PDLIM7: variants seen among roughly 807,000 people sequenced by gnomAD.
The protein encoded by PDLIM7 is PDZ and LIM domain protein 7.
A neutral mutation model predicts 53.9 loss-of-function variants in PDLIM7; 37 were observed. The observed-to-expected ratio is 0.69, with a 90% confidence interval of 0.53 to 0.90. The LOEUF (loss-of-function observed/expected upper bound fraction) is 0.90. Ranked by LOEUF, PDLIM7 falls within the 40% of genes least tolerant of loss-of-function variation. The probability of loss-of-function intolerance (pLI) is 0.00; values close to 1 mark genes in which losing one functional copy is unlikely to be tolerated. For synonymous variants in PDLIM7, 300 were observed against 261.3 expected (o/e 1.15, Z -1.43); for missense variants, 617 against 638.5 (o/e 0.97, Z 0.36).
At chr5:177,486,576 G>T (rs932042272) in intron 10 of PDLIM7, among the ~76,000 whole-genome samples, 1 of 150,250 alleles carries the variant, frequency 6.7e-6, no homozygotes, top group Non-Finnish European at 1.5e-5. Flanking sequence ...TGGTGGGAGA[G>T]GGGGCTCTAC....
Position 177,491,021 on chromosome 5 carries a change from C to G in PDLIM7, c.524G>C (p.Gly175Ala). ...GGGCTGGCACTTACTGAACTCGGTG[C>G]CTGTGAGGTGGGCAAGGATGCGGAA... ...RSFRILAHLT[G>A]TEFMQDPDEE... Residue 175 changes from glycine (G) to alanine (A), a missense_variant, in exon 6 of 13, where the codon GGC becomes GCC. Coordinates refer to ENST00000355841, the MANE Select transcript of PDLIM7 (RefSeq NM_005451.5). 6.2e-7 allele frequency: 1 copy of G among 1,613,524 alleles called. No homozygotes were observed. The highest frequency in any genetic ancestry group is 1.3e-5 in the African/African-American group (1 of 75,048).
intron 10 of PDLIM7, among the ~76,000 whole-genome samples, chr5:177,487,732 C>A (rs1038899827): frequency 6.6e-6 from 1 of 152,218 alleles, no homozygotes; most frequent in African/African-American, 2.4e-5. Flanking sequence ...ATGAGGAGGA[C>A]GCATGAGACA....
chr5:177,485,499 A>C (rs535104800), intron 10 of PDLIM7, among the ~76,000 whole-genome samples: 450 of 152,304 alleles, frequency 3.0e-3, no homozygotes, highest in Non-Finnish European at 4.7e-3. Context: ...TCCCTTGTGA[A>C]CTGGGAAGCT....
In PDLIM7 at chr5:177,488,111, C is replaced by T. The variant is rs776416794; in HGVS notation, c.1007G>A (p.Arg336His). 6.2e-6 allele frequency: 10 copies of T among 1,612,130 alleles called. No homozygotes were observed. Among genetic ancestry groups the T allele is most frequent in the Middle Eastern group, 1.6e-4 (1 of 6,076 alleles). ...AIFCPPCYDV[R>H]YAPSCAKCKK... ...GCACTTGGCACAGCTGGGTGCATAG[C>T]GCACGTCATAGCATGGTGGGCAGAA... The change falls in exon 10 of 13, where the codon CGC (arginine) becomes CAC (histidine). Residue 336 changes from arginine (R) to histidine (H), a missense_variant. Coordinates refer to ENST00000355841, the MANE Select transcript of PDLIM7 (RefSeq NM_005451.5).
rs751521859 is a variant in PDLIM7, at chr5:177,492,555, G to A, written c.219C>T (p.Cys73=). ...TGAGGCCCAGGCTGAGGCGCTCCCC[G>A]CAGGCCCGGATCTTGTTCTGAGCTT... is the stretch of plus-strand genomic sequence containing the variant. The part of the protein sequence containing the change: ...HIEAQNKIRA[C]GERLSLGLSR... Residue 73 remains cysteine (C), a synonymous_variant, in exon 3 of 13, where the codon TGC becomes TGT. Coordinates refer to ENST00000355841, the MANE Select transcript of PDLIM7 (RefSeq NM_005451.5). 18 of 1,613,480 alleles carry A rather than the reference G, an allele frequency of 1.1e-5. No homozygotes were observed. The Admixed American group carries it at 2.3e-4, about 21-fold the overall frequency.
chr5:177,489,881 G>A, intron 7 of PDLIM7, 49 bp from the exon 8 acceptor site: 1 of 1,550,760 alleles, frequency 6.4e-7, no homozygotes, highest in Non-Finnish European at 8.7e-7. Flanking sequence ...TTCCTGACAT[G>A]GCCCCACCCC....
chr5:177,490,944 C>G (rs200962570), intron 6 of PDLIM7, 38 bp from the exon 7 acceptor site: 33 of 1,613,908 alleles, frequency 2.0e-5, no homozygotes, highest in Non-Finnish European at 2.8e-5. Flanking sequence ...AAAAAAGACA[C>G]AGGGTCAGGG....
intron 7 of PDLIM7, 155 bp downstream of exon 7, chr5:177,490,714 GA>G (rs1758715227): frequency 6.3e-4 from 30 of 47,898 alleles, no homozygotes; most frequent in Middle Eastern, 4.6e-3. Flanking sequence ...AGGAGGAAGG[GA>G]AGGAAGGAAG....
In PDLIM7 at chr5:177,486,931, C is replaced by CTTTTTTTTT. The variant is rs60583245; in HGVS notation, c.1050+1128_1050+1136dup. On this transcript the variant is annotated intron_variant, in intron 10 of 12. Coordinates refer to ENST00000355841, the MANE Select transcript of PDLIM7 (RefSeq NM_005451.5). ...CAGGTGTGAGCCACCGTGCCTGGCC[C>CTTTTTTTTT]TTTTTTTTTTTTTTTTTTTTTTTTT... is the stretch of plus-strand genomic sequence containing the variant. 6.2e-5 allele frequency among the ~76,000 whole-genome samples: 3 copies of CTTTTTTTTT among 48,730 alleles called. 1 individual carries two copies. Among genetic ancestry groups the CTTTTTTTTT allele is most frequent in the African/African-American group, 1.4e-4 (2 of 14,622 alleles). The allele number at this position is 48,730 out of a possible 152,430, so 32.0% of individuals were successfully genotyped here.
intron 7 of PDLIM7, chr5:177,490,315 A>C: frequency 6.9e-7 from 1 of 1,445,018 alleles, no homozygotes; most frequent in South Asian, 1.5e-5. Context: ...CACAGGGCAA[A>C]GAGGGAAGGC....
At chr5:177,486,931 CTTTTTTTTT>C (rs60583245) in intron 10 of PDLIM7, among the ~76,000 whole-genome samples, 19 of 48,726 alleles carry the variant, frequency 3.9e-4, no homozygotes, top group African/African-American at 5.5e-4. Flanking sequence ...GTGCCTGGCC[CTTTTTTTTT>C]TTTTTTTTTT....
intron 8 of PDLIM7, 39 bp from the exon 9 acceptor site, chr5:177,489,666 C>A (rs1758645967): frequency 1.3e-6 from 2 of 1,523,762 alleles, no homozygotes; most frequent in Admixed American, 2.0e-5. Context: ...GCCCAGGGAC[C>A]CCAAAGGACG....
intron 1 of PDLIM7, chr5:177,496,903 C>A (rs1759103630): frequency 6.2e-6 from 1 of 160,100 alleles, no homozygotes; most frequent in Non-Finnish European, 1.4e-5. Flanking sequence ...CCCCCAGGTC[C>A]CGGCAGGCAG....
intron 10 of PDLIM7, among the ~76,000 whole-genome samples, chr5:177,486,596 G>A (rs1194201445): frequency 3.3e-5 from 5 of 151,298 alleles, no homozygotes; most frequent in East Asian, 1.9e-4. Context: ...CCAGGGGTGT[G>A]GGCTGGTAGG....
At chr5:177,486,726 C>T (rs1758468358) in intron 10 of PDLIM7, among the ~76,000 whole-genome samples, 1 of 152,066 alleles carries the variant, frequency 6.6e-6, no homozygotes, top group Non-Finnish European at 1.5e-5. Context: ...GCAAGCTCTG[C>T]CTCCCAGGTT....
At chr5:177,484,544 C>T in intron 10 of PDLIM7, 2 of 266,228 alleles carry the variant, frequency 7.5e-6, no homozygotes, top group Non-Finnish European at 1.5e-5. Flanking sequence ...CAGTGGGGCC[C>T]ACCCCCAAGG....
At chr5:177,490,736 AG>A (rs1223793042) in intron 7 of PDLIM7, 133 bp downstream of exon 7, 5 of 819,750 alleles carry the variant, frequency 6.1e-6, no homozygotes, top group East Asian at 2.6e-5. Flanking sequence ...GAAGGAAGGA[AG>A]GAAGGAAGGA....
intron 10 of PDLIM7, among the ~76,000 whole-genome samples, chr5:177,487,076 A>G (rs1758502393): frequency 6.6e-6 from 1 of 150,990 alleles, no homozygotes; most frequent in Non-Finnish European, 1.5e-5. Context: ...CTGGGACTAC[A>G]GGTGCGCCAG....
At chr5:177,494,659 A>G (rs1449198765) in intron 2 of PDLIM7, among the ~76,000 whole-genome samples, 3 of 152,078 alleles carry the variant, frequency 2.0e-5, no homozygotes, top group African/African-American at 4.8e-5. Context: ...GCAGGAGAGC[A>G]GAAGACAGCG....
Sources: allele counts gnomAD v4.1 joint callset (sites outside exome capture counted in the v4.1 genomes callset), GRCh38; gene constraint gnomAD v4.1.1; transcripts MANE v1.5; gene names NCBI Gene and HGNC (gene_info 2026-07-23, HGNC 2026-07-21).